The following SEMA3A variants were observed in gnomAD, a reference collection of about 807,000 sequenced individuals.
The protein encoded by SEMA3A is semaphorin-3A.
SEMA3A carries 29 observed loss-of-function variants against 97.9 expected under a neutral mutation model. The observed-to-expected ratio is 0.30, with a 90% CI of 0.22 to 0.40. The LOEUF is 0.40. SEMA3A is among the 10% of genes least tolerant of loss of function. The probability of loss-of-function intolerance (pLI) is 1.00; values close to 1 mark genes in which losing one functional copy is unlikely to be tolerated. For missense variants in SEMA3A, 763 were observed against 951.3 expected, an observed-to-expected ratio of 0.80 and a Z score of 2.60; for synonymous variants, 321 against 323.7, an observed-to-expected ratio of 0.99 and a Z score of 0.09.
chr7:84,479,235 T>C (rs1378016935), intron 1 of SEMA3A, among the ~76,000 whole-genome samples: 1 of 152,162 alleles, frequency 6.6e-6, no homozygotes, highest in Non-Finnish European at 1.5e-5. Flanking sequence ...GGACAGTGAT[T>C]AAGGTTAATG....
intron 4 of SEMA3A, among the ~76,000 whole-genome samples, chr7:84,086,453 T>G (rs1421738025): frequency 7.5e-6 from 1 of 133,192 alleles, no homozygotes; most frequent in Non-Finnish European, 1.5e-5. Flanking sequence ...TATATATTAT[T>G]ATATTCATAT....
intron 4 of SEMA3A, among the ~76,000 whole-genome samples, chr7:84,062,075 A>G (rs189899244): frequency 6.6e-6 from 1 of 152,208 alleles, no homozygotes; most frequent in Admixed American, 6.5e-5. Context: ...TGGAGGGTTA[A>G]ATAATTTATT....
At chr7:84,291,940 T>C (rs1446617971) in intron 3 of SEMA3A, among the ~76,000 whole-genome samples, 1 of 152,146 alleles carries the variant, frequency 6.6e-6, no homozygotes, top group Non-Finnish European at 1.5e-5. Context: ...GTGTGCCCAG[T>C]GCATAATGGC....
At chr7:84,404,805 G>C (rs561392222) in intron 1 of SEMA3A, among the ~76,000 whole-genome samples, 1 of 152,030 alleles carries the variant, frequency 6.6e-6, no homozygotes, top group Non-Finnish European at 1.5e-5. Flanking sequence ...AGCTTCATAA[G>C]TGAAGGAGAA....
intron 12 of SEMA3A, among the ~76,000 whole-genome samples, chr7:83,998,115 T>TA (rs11415120): frequency 0.39 from 57,276 of 148,698 alleles, 11,685 homozygotes; most frequent in East Asian, 0.82. Flanking sequence ...TGCAAAATGC[T>TA]AAAAAAAAAA....
At chr7:84,353,689 A>G (rs1480219337) in intron 2 of SEMA3A, among the ~76,000 whole-genome samples, 1 of 151,778 alleles carries the variant, frequency 6.6e-6, no homozygotes, top group African/African-American at 2.4e-5. Context: ...AGGCACAGAC[A>G]TGCCATGCTA....
chr7:83,965,777 T>G (rs1057248325), intron 15 of SEMA3A, among the ~76,000 whole-genome samples: 1 of 139,230 alleles, frequency 7.2e-6, no homozygotes. Flanking sequence ...GCCTCCCGGG[T>G]TCATGCCATT....
intron 3 of SEMA3A, among the ~76,000 whole-genome samples, chr7:84,218,423 C>G (rs548376470): frequency 3.0e-4 from 45 of 151,992 alleles, no homozygotes; most frequent in Non-Finnish European, 5.6e-4. Flanking sequence ...CTTCTGCATT[C>G]GGATAGATTA....
At chr7:84,026,940 C>A (rs1392933993) in intron 6 of SEMA3A, among the ~76,000 whole-genome samples, 1 of 151,856 alleles carries the variant, frequency 6.6e-6, no homozygotes, top group Non-Finnish European at 1.5e-5. Context: ...TACAACAAAC[C>A]CCTGTGACAC....
chr7:84,320,061 T>C (rs1166244760), intron 2 of SEMA3A, among the ~76,000 whole-genome samples: 1 of 152,176 alleles, frequency 6.6e-6, no homozygotes, highest in Non-Finnish European at 1.5e-5. Flanking sequence ...ATCACTTCTC[T>C]GTTACCATAT....
At chr7:84,052,231 G>A (rs1169765668) in intron 5 of SEMA3A, among the ~76,000 whole-genome samples, 1 of 152,076 alleles carries the variant, frequency 6.6e-6, no homozygotes, top group Non-Finnish European at 1.5e-5. Context: ...CTCATAAAAT[G>A]AGTTAGGGAG....
chr7:84,103,940 A>G (rs1371196014), intron 4 of SEMA3A, among the ~76,000 whole-genome samples: 2 of 152,140 alleles, frequency 1.3e-5, no homozygotes, highest in Non-Finnish European at 2.9e-5. Context: ...AAAGTAGATT[A>G]TATGGGAAAT....
At chr7:84,120,270 C>G (rs1024647402) in intron 3 of SEMA3A, among the ~76,000 whole-genome samples, 1 of 151,988 alleles carries the variant, frequency 6.6e-6, no homozygotes, top group African/African-American at 2.4e-5. Flanking sequence ...TGAATACTAC[C>G]TAATTTCTGA....
At chr7:84,053,359 AG>A (rs1018282538) in intron 5 of SEMA3A, among the ~76,000 whole-genome samples, 1 of 101,532 alleles carries the variant, frequency 9.8e-6, no homozygotes, top group Non-Finnish European at 2.3e-5. Context: ...GTCTCTTTGT[AG>A]GTCACTCAGG....
At chr7:84,455,134 T>C (rs938461882) in intron 1 of SEMA3A, among the ~76,000 whole-genome samples, 3 of 151,964 alleles carry the variant, frequency 2.0e-5, no homozygotes, top group Admixed American at 6.6e-5. Context: ...GGTTAAAATC[T>C]GAAAGATAGT....
At chr7:84,159,695 T>A (rs926698636) in intron 1 of SEMA3A, among the ~76,000 whole-genome samples, 2 of 151,846 alleles carry the variant, frequency 1.3e-5, no homozygotes, top group African/African-American at 4.8e-5. Flanking sequence ...ATACTATAAT[T>A]CAATCACAGA....
chr7:84,368,534 G>A (rs1029034881), intron 2 of SEMA3A, among the ~76,000 whole-genome samples: 3 of 150,742 alleles, frequency 2.0e-5, no homozygotes, highest in African/African-American at 4.8e-5. Context: ...TTAATGTACT[G>A]TATAATGTAT....
intron 11 of SEMA3A, among the ~76,000 whole-genome samples, chr7:84,004,906 T>C (rs1028157208): frequency 1.4e-4 from 21 of 152,170 alleles, no homozygotes; most frequent in African/African-American, 4.8e-4. Context: ...GGTCCACTTA[T>C]ATACAAATCT....
At chr7:84,180,010 G>A (rs1217034185) in intron 1 of SEMA3A, among the ~76,000 whole-genome samples, 4 of 142,918 alleles carry the variant, frequency 2.8e-5, no homozygotes, top group East Asian at 4.1e-4. Context: ...GTTGTGGCGC[G>A]ATCTCGGCTC....
Sources: allele counts gnomAD v4.1 joint callset (sites outside exome capture counted in the v4.1 genomes callset), GRCh38; gene constraint gnomAD v4.1.1; transcripts MANE v1.5; gene names NCBI Gene and HGNC (gene_info 2026-07-23, HGNC 2026-07-21).